DCC: variants seen among roughly 807,000 people sequenced by gnomAD.
DCC encodes the protein DCC netrin 1 receptor, also known as netrin receptor DCC.
DCC carries 58 observed loss-of-function variants against 172.5 expected under a neutral mutation model. That is an observed-to-expected ratio of 0.34 (90% CI 0.27 to 0.42). DCC has a LOEUF of 0.42. Ranked by LOEUF, DCC falls within the 10% of genes least tolerant of loss-of-function variation. The pLI is 1.00. For synonymous variants in DCC, 709 were observed against 644.5 expected, an observed-to-expected ratio of 1.10 and a Z score of -1.52; for missense variants, 1,740 against 1,791.0, an observed-to-expected ratio of 0.97 and a Z score of 0.51.
intron 5 of DCC, among the ~76,000 whole-genome samples, chr18:52,987,190 C>T (rs1323637186): frequency 6.6e-6 from 1 of 152,144 alleles, no homozygotes; most frequent in South Asian, 2.1e-4. Flanking sequence ...TATCTATACT[C>T]ACACTCTGGG....
intron 3 of DCC, among the ~76,000 whole-genome samples, chr18:52,915,740 A>T (rs1230066267): frequency 6.6e-6 from 1 of 152,158 alleles, no homozygotes; most frequent in Non-Finnish European, 1.5e-5. Context: ...AGAGAGGCAG[A>T]AAAGAGGAAG....
At chr18:52,384,582 G>A (rs1055139964) in intron 1 of DCC, among the ~76,000 whole-genome samples, 1 of 152,102 alleles carries the variant, frequency 6.6e-6, no homozygotes, top group Non-Finnish European at 1.5e-5. Flanking sequence ...TTGTCCCTGG[G>A]GTGGCGTGGC....
At chr18:52,602,666 C>T (rs574014305) in intron 1 of DCC, among the ~76,000 whole-genome samples, 13 of 151,072 alleles carry the variant, frequency 8.6e-5, no homozygotes, top group South Asian at 4.2e-4. Flanking sequence ...AAAGGAATTA[C>T]GGTGCAAATA....
intron 3 of DCC, among the ~76,000 whole-genome samples, chr18:52,918,791 A>C (rs528716102): frequency 2.0e-5 from 3 of 152,292 alleles, no homozygotes; most frequent in Non-Finnish European, 4.4e-5. Flanking sequence ...TCTGTAGAAC[A>C]TTTCAGCAGT....
intron 2 of DCC, among the ~76,000 whole-genome samples, chr18:52,845,160 C>A (rs904486407): frequency 4.6e-5 from 7 of 152,108 alleles, no homozygotes; most frequent in Admixed American, 1.3e-4. Context: ...TTAAAAGCAG[C>A]CCTTAGGAGA....
At chr18:52,543,908 T>C (rs1275499510) in intron 1 of DCC, among the ~76,000 whole-genome samples, 1 of 152,218 alleles carries the variant, frequency 6.6e-6, no homozygotes, top group East Asian at 1.9e-4. Flanking sequence ...TCTTCAACAA[T>C]GATACTGCAA....
At chr18:52,786,337 G>A (rs1405825475) in intron 2 of DCC, among the ~76,000 whole-genome samples, 1 of 151,884 alleles carries the variant, frequency 6.6e-6, no homozygotes, top group Non-Finnish European at 1.5e-5. Flanking sequence ...TTGATTACAG[G>A]AATAAGCAGG....
At chr18:52,528,951 C>G (rs1353054158) in intron 1 of DCC, among the ~76,000 whole-genome samples, 1 of 152,082 alleles carries the variant, frequency 6.6e-6, no homozygotes, top group African/African-American at 2.4e-5. Flanking sequence ...CTGGCTGTCA[C>G]CAAGTTGATA....
intron 1 of DCC, among the ~76,000 whole-genome samples, chr18:52,582,564 G>A (rs1390875613): frequency 6.6e-6 from 1 of 152,132 alleles, no homozygotes; most frequent in Non-Finnish European, 1.5e-5. Flanking sequence ...CAGCTCTAAA[G>A]CTTCAAATCA....
chr18:52,592,675 C>A (rs982895464), intron 1 of DCC, among the ~76,000 whole-genome samples: 1 of 152,138 alleles, frequency 6.6e-6, no homozygotes, highest in Non-Finnish European at 1.5e-5. Flanking sequence ...GCTCTGTTGC[C>A]CAGGCTGGAG....
intron 1 of DCC, among the ~76,000 whole-genome samples, chr18:52,647,293 C>T (rs956312974): frequency 2.0e-5 from 3 of 152,176 alleles, no homozygotes; most frequent in Admixed American, 1.3e-4. Flanking sequence ...ACCTTTCCAG[C>T]CCTTTGCACT....
At position 52,554,272 on chromosome 18, in the gene DCC, C is replaced by T. The variant is rs573057331; in HGVS notation, c.92-197782C>T. ...AGGATGGGATTAATGAGACATTATC[C>T]ATTTTCATGACATGCCACAGGTTTC... On this transcript the variant is annotated intron_variant, in intron 1 of 28. Coordinates refer to ENST00000442544, the MANE Select transcript of DCC (RefSeq NM_005215.4). Among the ~76,000 whole-genome samples, 23 of 152,146 alleles carry T rather than the reference C, an allele frequency of 1.5e-4. 1 individual carries two copies. The South Asian group carries it at 4.6e-3, about 30-fold the overall frequency.
chr18:52,577,758 T>C (rs1340030246), intron 1 of DCC, among the ~76,000 whole-genome samples: 1 of 152,164 alleles, frequency 6.6e-6, no homozygotes, highest in Admixed American at 6.5e-5. Context: ...CCATTTTGCA[T>C]TGGAAATAGG....
intron 2 of DCC, among the ~76,000 whole-genome samples, chr18:52,780,383 A>G (rs1270183203): frequency 6.6e-6 from 1 of 152,140 alleles, no homozygotes; most frequent in Non-Finnish European, 1.5e-5. Context: ...TATCTTTCAA[A>G]ATATATAGTC....
chr18:53,227,714 G>A (rs537199396), intron 12 of DCC, among the ~76,000 whole-genome samples: 67 of 152,260 alleles, frequency 4.4e-4, no homozygotes, highest in African/African-American at 1.4e-3. Flanking sequence ...GGAAATTACC[G>A]TGTCTTCTAC....
At position 52,429,529 on chromosome 18, in the gene DCC, T is replaced by C. The variant is rs75185849; in HGVS notation, c.91+88651T>C. ...TTTATTTGGCTGTGTGAACGTTTTC[T>C]ATGTAATCAGATGAATTTGTCATGG... On this transcript the variant is annotated intron_variant, in intron 1 of 28. Coordinates refer to ENST00000442544, the MANE Select transcript of DCC (RefSeq NM_005215.4). Among the ~76,000 whole-genome samples, 110 of 152,278 alleles carry C rather than the reference T, an allele frequency of 7.2e-4. 3 individuals carry two copies. The East Asian group carries it at 0.019, about 26-fold the overall frequency.
intron 5 of DCC, among the ~76,000 whole-genome samples, chr18:53,005,419 G>C (rs1442160532): frequency 2.6e-5 from 4 of 152,136 alleles, no homozygotes; most frequent in African/African-American, 9.7e-5. Flanking sequence ...CACAAAGACT[G>C]TGTTTGAAAT....
At chr18:53,039,597 G>C (rs2042142168) in intron 5 of DCC, among the ~76,000 whole-genome samples, 1 of 151,974 alleles carries the variant, frequency 6.6e-6, no homozygotes, top group Non-Finnish European at 1.5e-5. Flanking sequence ...AGGTTGGAAA[G>C]AGGCTTCTTG....
At chr18:53,205,195 C>A (rs143867031) in intron 9 of DCC, 21 bp from the exon 10 acceptor site, 453 of 1,604,554 alleles carry the variant, frequency 2.8e-4, no homozygotes, top group East Asian at 8.9e-4. Context: ...TTCTTTCTTT[C>A]TTTATTATTT....
Sources: gnomAD v4.1 joint callset for allele counts (sites outside exome capture counted in the v4.1 genomes callset) on GRCh38, gnomAD v4.1.1 for gene constraint, MANE v1.5 for transcripts, NCBI Gene and HGNC (gene_info 2026-07-23, HGNC 2026-07-21) for gene names.